BMPR1B: variants seen among roughly 807,000 people sequenced by gnomAD.
The protein encoded by BMPR1B is bone morphogenetic protein receptor type 1B.
BMPR1B carries 12 observed loss-of-function variants against 59.1 expected under a neutral mutation model. The observed-to-expected ratio is 0.20, with a 90% CI of 0.13 to 0.33. The LOEUF is 0.33. Ranked by LOEUF, BMPR1B falls within the 10% of genes least tolerant of loss-of-function variation. The pLI is 1.00. For synonymous variants in BMPR1B, 237 were observed against 207.3 expected, an observed-to-expected ratio of 1.14 and a Z score of -1.23; for missense variants, 550 against 610.9, an observed-to-expected ratio of 0.90 and a Z score of 1.05.
At chr4:94,975,261 T>A (rs183563775) in intron 2 of BMPR1B, among the ~76,000 whole-genome samples, 1 of 152,286 alleles carries the variant, frequency 6.6e-6, no homozygotes, top group East Asian at 1.9e-4. Flanking sequence ...CCTTGAGCGT[T>A]CTCAGAGATT....
chr4:94,855,512 C>T (rs996927669), intron 1 of BMPR1B, among the ~76,000 whole-genome samples: 5 of 152,140 alleles, frequency 3.3e-5, no homozygotes, highest in African/African-American at 1.2e-4. Context: ...AAAGCTCTTC[C>T]CATCTCTTTT....
At chr4:95,139,436 C>T (rs939705918) in intron 10 of BMPR1B, among the ~76,000 whole-genome samples, 2 of 152,186 alleles carry the variant, frequency 1.3e-5, no homozygotes. Flanking sequence ...CTACTCTTTT[C>T]AAAGCTGTCA....
chr4:94,999,383 A>T (rs1055228909), intron 3 of BMPR1B, among the ~76,000 whole-genome samples: 2 of 152,040 alleles, frequency 1.3e-5, no homozygotes, highest in African/African-American at 4.8e-5. Context: ...AATAATAATT[A>T]AAAAATTATT....
intron 1 of BMPR1B, among the ~76,000 whole-genome samples, chr4:94,874,716 G>A (rs1241903576): frequency 6.6e-6 from 1 of 152,094 alleles, no homozygotes; most frequent in Non-Finnish European, 1.5e-5. Flanking sequence ...GGCCGGGTGC[G>A]GTGGCTCCTG....
chr4:95,092,562 A>G (rs1442161045), intron 3 of BMPR1B, among the ~76,000 whole-genome samples: 6 of 152,114 alleles, frequency 3.9e-5, no homozygotes, highest in Admixed American at 3.3e-4. Context: ...TGAAATATAT[A>G]TACTATATTT....
At chr4:95,097,266 G>T (rs1217297877) in intron 3 of BMPR1B, among the ~76,000 whole-genome samples, 1 of 149,372 alleles carries the variant, frequency 6.7e-6, no homozygotes, top group African/African-American at 2.4e-5. Flanking sequence ...GGGAGGGAGG[G>T]ACAAAGGAAT....
chr4:94,893,603 T>A (rs1044751622), intron 2 of BMPR1B, among the ~76,000 whole-genome samples: 6 of 152,042 alleles, frequency 3.9e-5, no homozygotes, highest in African/African-American at 1.4e-4. Context: ...ATTGGCTTTC[T>A]CTAATCAGTG....
intron 1 of BMPR1B, among the ~76,000 whole-genome samples, chr4:94,822,643 TA>T (rs1724248766): frequency 1.3e-5 from 2 of 152,078 alleles, no homozygotes; most frequent in African/African-American, 4.8e-5. Flanking sequence ...TCAGTGATAC[TA>T]GGGGGCTGTA....
chr4:95,055,727 A>C (rs1726874223), intron 3 of BMPR1B, among the ~76,000 whole-genome samples: 1 of 152,200 alleles, frequency 6.6e-6, no homozygotes, highest in Non-Finnish European at 1.5e-5. Context: ...ACAGACTGAA[A>C]TTATTTGGTT....
intron 3 of BMPR1B, among the ~76,000 whole-genome samples, chr4:95,094,569 C>A (rs1468979698): frequency 2.6e-5 from 4 of 152,000 alleles, no homozygotes; most frequent in African/African-American, 9.7e-5. Flanking sequence ...TGCAAAGAAC[C>A]ATAGTTGATG....
chr4:95,115,294 T>A (rs1055205897), intron 5 of BMPR1B, among the ~76,000 whole-genome samples: 30 of 152,204 alleles, frequency 2.0e-4, no homozygotes, highest in African/African-American at 6.8e-4. Flanking sequence ...AACTGAAATT[T>A]TCCATTGGAC....
intron 2 of BMPR1B, among the ~76,000 whole-genome samples, chr4:94,990,700 G>T (rs1560583354): frequency 1.3e-5 from 2 of 151,670 alleles, no homozygotes; most frequent in African/African-American, 4.9e-5. Flanking sequence ...TGTTGTTGTT[G>T]TTGTTTTTTA....
intron 2 of BMPR1B, among the ~76,000 whole-genome samples, chr4:94,903,834 A>C (rs1727926075): frequency 6.6e-6 from 1 of 151,968 alleles, no homozygotes; most frequent in East Asian, 1.9e-4. Flanking sequence ...CTGCAATGCA[A>C]GGAGGGAGGC....
intron 1 of BMPR1B, among the ~76,000 whole-genome samples, chr4:94,824,594 C>T (rs754149996): frequency 9.9e-5 from 15 of 152,170 alleles, no homozygotes; most frequent in Non-Finnish European, 1.6e-4. Flanking sequence ...AATGAGAACT[C>T]ATTTTTACTG....
At chr4:94,859,172 G>C (rs1725883394) in intron 1 of BMPR1B, among the ~76,000 whole-genome samples, 1 of 152,144 alleles carries the variant, frequency 6.6e-6, no homozygotes, top group Non-Finnish European at 1.5e-5. Flanking sequence ...TGAGAGAACT[G>C]AGCTTCAAGA....
intron 3 of BMPR1B, among the ~76,000 whole-genome samples, chr4:95,073,147 C>CT (rs1728445873): frequency 6.6e-6 from 1 of 152,124 alleles, no homozygotes; most frequent in African/African-American, 2.4e-5. Flanking sequence ...AGTTTTCCCT[C>CT]TTTTACAGAT....
chr4:95,055,348 G>A (rs544318684), intron 3 of BMPR1B, among the ~76,000 whole-genome samples: 1 of 152,146 alleles, frequency 6.6e-6, no homozygotes, highest in Non-Finnish European at 1.5e-5. Context: ...AAACATGGCT[G>A]TGAATAGGTA....
Position 95,015,697 on chromosome 4 carries a change from A to ATTTTTTTT in BMPR1B, c.-18+19570_-18+19577dup, listed in dbSNP as rs36121172. On this transcript the variant is annotated intron_variant, in intron 3 of 12. Transcript: ENST00000515059. ...ATCACCATGCCTAGCCTGGAACATC[A>ATTTTTTTT]TTTTTTTTTTTTTTGAGACAGAGTC... is the stretch of plus-strand genomic sequence containing the variant. Among the ~76,000 whole-genome samples the ATTTTTTTT allele has an allele frequency of 2.1e-4, 30 of 145,056 alleles. No homozygotes were observed. In the South Asian group the frequency reaches 5.9e-3, roughly 29 times the overall value.
intron 2 of BMPR1B, among the ~76,000 whole-genome samples, chr4:94,919,076 G>A (rs752057140): frequency 1.3e-5 from 2 of 151,936 alleles, no homozygotes; most frequent in East Asian, 1.9e-4. Context: ...ATCTTATAAC[G>A]TGATGCATCA....
Sources: gnomAD v4.1 joint callset for allele counts (sites outside exome capture counted in the v4.1 genomes callset) on GRCh38, gnomAD v4.1.1 for gene constraint, MANE v1.5 for transcripts, NCBI Gene and HGNC (gene_info 2026-07-23, HGNC 2026-07-21) for gene names.